The following TUBG2 variants were observed in gnomAD, a reference collection of about 807,000 sequenced individuals.
TUBG2 encodes the protein tubulin gamma 2, also known as tubulin gamma-2 chain.
In TUBG2, 39 loss-of-function variants were observed where a neutral mutation model predicts 55.1. That is an observed-to-expected ratio of 0.71 (90% confidence interval 0.55 to 0.93). The LOEUF is 0.93. Among genes scored for constraint, TUBG2 ranks in the 40% least tolerant of loss-of-function variants. The pLI, the probability that TUBG2 is intolerant of heterozygous loss-of-function variation, is 0.00. For synonymous variants in TUBG2, 223 were observed against 241.0 expected (o/e 0.93, Z 0.69); for missense variants, 358 against 599.1 (o/e 0.60, Z 4.20).
chr17:42,660,764 A>G, intron 4 of TUBG2, 57 bp downstream of exon 4: 1 of 1,515,332 alleles, frequency 6.6e-7, no homozygotes, highest in Non-Finnish European at 9.1e-7. Flanking sequence ...TGCTGGGGAC[A>G]GGTCAGGAGG....
intron 1 of TUBG2, 58 bp downstream of exon 1, chr17:42,659,610 C>T (rs1435741066): frequency 1.3e-6 from 2 of 1,509,410 alleles, no homozygotes; most frequent in African/African-American, 2.8e-5. Flanking sequence ...GGGTCCCACC[C>T]AAGTGCCTGG....
Position 42,660,259 on chromosome 17 carries a change from C to A in TUBG2, c.273C>A (p.Ile91=). The A allele has an allele frequency of 1.9e-6, 3 of 1,613,980 alleles. No individual in the cohort carries two copies. The highest frequency in any genetic ancestry group is 2.5e-6 in the Non-Finnish European group (3 of 1,179,996). The part of the protein sequence containing the change: ...PYAKLYNPEN[I]YLSEHGGGAG... ...CCAAGCTCTACAACCCAGAGAACAT[C>A]TACCTGTCGGAACATGGAGGAGGAG... The change falls in exon 3 of 11, where the codon ATC becomes ATA. Residue 91 remains isoleucine (I), a synonymous_variant. Coordinates refer to ENST00000251412, the MANE Select transcript of TUBG2 (RefSeq NM_016437.3).
Position 42,666,108 on chromosome 17 carries a change from A to G in TUBG2, c.865A>G (p.Thr289Ala). The G allele has an allele frequency of 6.2e-7, 1 of 1,613,966 alleles. No homozygotes were observed. The highest frequency in any genetic ancestry group is 8.5e-7 in the Non-Finnish European group (1 of 1,179,870). The change falls in exon 9 of 11, where the codon ACG becomes GCG. Residue 289 changes from threonine (T) to alanine (A), a missense_variant. Coordinates refer to ENST00000251412, the MANE Select transcript of TUBG2 (RefSeq NM_016437.3). ...TCAGGTGGCCAGCGTGAGGAAGACC[A>G]CGGTCCTGGATGTCATGAGGCGGCT... ...DQSVASVRKT[T>A]VLDVMRRLLQ...
intron 7 of TUBG2, 43 bp from the exon 8 acceptor site, chr17:42,665,635 C>T: frequency 6.2e-7 from 1 of 1,614,110 alleles, no homozygotes; most frequent in Non-Finnish European, 8.5e-7. Flanking sequence ...GAAGGAAGGT[C>T]CCACCCAGGC....
chr17:42,660,593 C>T, intron 3 of TUBG2, 46 bp from the exon 4 acceptor site: 1 of 1,561,122 alleles, frequency 6.4e-7, no homozygotes. Flanking sequence ...AAAAGATGCT[C>T]TCTGGAACCT....
In TUBG2 at chr17:42,666,150, G is replaced by T. The variant is rs778540985; in HGVS notation, c.907G>T (p.Val303Leu). The change falls in exon 9 of 11, where the codon GTG (valine) becomes TTG (leucine). Residue 303 changes from valine (V) to leucine (L), a missense_variant. Coordinates refer to ENST00000251412, the MANE Select transcript of TUBG2 (RefSeq NM_016437.3). ...VMRRLLQPKN[V>L]MVSTGRDRQT... ...GAGGCGGCTGCTGCAGCCCAAGAACGTGATGGTGTCCACAGGCCGAGACCG... is the reference window on the plus strand; with the variant it reads ...GAGGCGGCTGCTGCAGCCCAAGAACTTGATGGTGTCCACAGGCCGAGACCG... 8.1e-6 allele frequency: 13 copies of T among 1,614,008 alleles called. No homozygotes were observed. Among genetic ancestry groups the T allele is most frequent in the East Asian group, 2.2e-5 (1 of 44,874 alleles).
intron 2 of TUBG2, 21 bp downstream of exon 2, chr17:42,659,967 G>C: frequency 6.3e-7 from 1 of 1,586,048 alleles, no homozygotes; most frequent in Non-Finnish European, 8.6e-7. Flanking sequence ...CGACTTGGCC[G>C]GGGGCGGCAG....
intron 4 of TUBG2, chr17:42,661,129 C>T (rs2052373829): frequency 1.1e-5 from 2 of 180,924 alleles, no homozygotes; most frequent in Admixed American, 1.1e-4. Context: ...CATGTAATTT[C>T]CTAAGGGACT....
intron 4 of TUBG2, among the ~76,000 whole-genome samples, chr17:42,662,203 C>G (rs2052403910): frequency 6.6e-6 from 1 of 151,762 alleles, no homozygotes; most frequent in Non-Finnish European, 1.5e-5. Flanking sequence ...TACTTGGAGG[C>G]TGAGATAGGA....
intron 8 of TUBG2, 108 bp downstream of exon 8, chr17:42,665,935 C>T: frequency 6.3e-7 from 1 of 1,589,278 alleles, no homozygotes; most frequent in Non-Finnish European, 8.6e-7. Flanking sequence ...TTTGCAGGCC[C>T]CAAGGCACTG....
At chr17:42,663,889 G>A (rs190638381) in intron 6 of TUBG2, among the ~76,000 whole-genome samples, 1 of 151,350 alleles carries the variant, frequency 6.6e-6, no homozygotes, top group East Asian at 1.9e-4. Context: ...GTTGCAAGGA[G>A]CTGAGATTGC....
In TUBG2 at chr17:42,659,487, C is replaced by T. The variant is rs771406125; in HGVS notation, c.-17C>T. The T allele has an allele frequency of 2.6e-5, 40 of 1,546,484 alleles. No homozygotes were observed. Among genetic ancestry groups the T allele is most frequent in the African/African-American group, 5.5e-5 (4 of 72,846 alleles). On this transcript the variant is annotated 5_prime_UTR_variant, in exon 1 of 11. Coordinates refer to ENST00000251412, the MANE Select transcript of TUBG2 (RefSeq NM_016437.3). ...CTCTCGCCAGGCCGGGGCTGGCGCG[C>T]CCACGTCTGAAGAGCGATGCCCCGG...
intron 4 of TUBG2, among the ~76,000 whole-genome samples, chr17:42,662,755 C>T (rs1426272530): frequency 6.6e-6 from 1 of 152,166 alleles, no homozygotes; most frequent in East Asian, 1.9e-4. Context: ...ATAAACCCAT[C>T]ATAAAGCCAA....
chr17:42,664,609 T>C (rs1034019592), intron 6 of TUBG2, among the ~76,000 whole-genome samples: 1 of 151,976 alleles, frequency 6.6e-6, no homozygotes, highest in Non-Finnish European at 1.5e-5. Context: ...GATTCCTATA[T>C]GTGTATTTTA....
At chr17:42,659,719 T>C (rs2052337798) in intron 1 of TUBG2, 115 bp from the exon 2 acceptor site, 2 of 1,437,544 alleles carry the variant, frequency 1.4e-6, no homozygotes, top group Non-Finnish European at 1.9e-6. Context: ...CTGGGGCAGC[T>C]ACCAAACCCA....
chr17:42,660,756 C>T (rs746678885), intron 4 of TUBG2, 49 bp downstream of exon 4: 3 of 1,568,992 alleles, frequency 1.9e-6, no homozygotes, highest in South Asian at 2.2e-5. Flanking sequence ...CCGAAGAGTG[C>T]TGGGGACAGG....
At chr17:42,665,981 G>T in intron 8 of TUBG2, 106 bp from the exon 9 acceptor site, 2 of 1,593,774 alleles carry the variant, frequency 1.3e-6, no homozygotes, top group Middle Eastern at 1.7e-4. Context: ...CGACTTTCTT[G>T]CTGACTTTCT....
chr17:42,660,573 C>A, intron 3 of TUBG2, 66 bp from the exon 4 acceptor site: 1 of 1,469,412 alleles, frequency 6.8e-7, no homozygotes, highest in Non-Finnish European at 9.5e-7. Context: ...ATTCTTGGTG[C>A]TGTGCTGAGA....
chr17:42,663,073 A>C (rs1369784382), intron 5 of TUBG2, 21 bp downstream of exon 5: 1 of 1,611,684 alleles, frequency 6.2e-7, no homozygotes, highest in South Asian at 1.1e-5. Context: ...GTTTGGGGAG[A>C]GGGCATTAAC....
Sources: gnomAD v4.1 joint callset for allele counts (sites outside exome capture counted in the v4.1 genomes callset) on GRCh38, gnomAD v4.1.1 for gene constraint, MANE v1.5 for transcripts, NCBI Gene and HGNC (gene_info 2026-07-23, HGNC 2026-07-21) for gene names.